The following GABRG2 variants were observed in gnomAD, a reference collection of about 807,000 sequenced individuals.
The protein encoded by GABRG2 is gamma-aminobutyric acid type A receptor subunit gamma2.
In GABRG2, 16 loss-of-function variants were observed where a neutral mutation model predicts 56.4. That is an observed-to-expected ratio of 0.28 (90% CI 0.19 to 0.43). The LOEUF (loss-of-function observed/expected upper bound fraction) is 0.43. GABRG2 is among the 20% of genes least tolerant of loss of function. GABRG2 has a pLI of 1.00. For missense variants in GABRG2, 327 were observed against 582.7 expected (o/e 0.56, Z 4.52); for synonymous variants, 208 against 205.5 (o/e 1.01, Z -0.10).
chr5:162,092,542 A>G (rs1244451142), intron 1 of GABRG2, among the ~76,000 whole-genome samples: 1 of 152,174 alleles, frequency 6.6e-6, no homozygotes, highest in Non-Finnish European at 1.5e-5. Flanking sequence ...TATATATATG[A>G]TGTACATAAA....
intron 1 of GABRG2, among the ~76,000 whole-genome samples, chr5:162,070,153 C>T (rs1215379096): frequency 2.0e-5 from 3 of 152,066 alleles, no homozygotes; most frequent in African/African-American, 7.2e-5. Context: ...TTTGATGATA[C>T]ATTTTAATTT....
intron 1 of GABRG2, 31 bp downstream of exon 1, chr5:162,068,137 T>G: frequency 6.5e-6 from 10 of 1,528,986 alleles, no homozygotes; most frequent in Non-Finnish European, 9.1e-6. Context: ...CGTCGTTTTG[T>G]TCTGAAGAGG....
intron 7 of GABRG2, among the ~76,000 whole-genome samples, chr5:162,145,109 C>T (rs142420608): frequency 1.3e-5 from 2 of 152,162 alleles, no homozygotes; most frequent in Non-Finnish European, 2.9e-5. Context: ...AGACCTTAAG[C>T]TTCTTGCCAC....
chr5:162,102,291 A>T lies in GABRG2; in HGVS notation c.631+974A>T, dbSNP rs1761482384. The T allele has an allele frequency of 2.5e-5, 6 of 242,318 alleles. No individual in the cohort carries two copies. The South Asian group carries it at 2.8e-4, about 11-fold the overall frequency. The allele number at this position is 242,318 out of a possible 1,614,324, so 15.0% of individuals were successfully genotyped here. ...TGAAATATATTTAATTATAAAGTTA[A>T]AGCTTCCCTGTGCTTTAGAGAGATA... On this transcript the variant is annotated intron_variant, in intron 5 of 9. Coordinates refer to ENST00000639213, the MANE Select transcript of GABRG2 (RefSeq NM_198904.4).
At chr5:162,131,987 A>G (rs1763787627) in intron 6 of GABRG2, among the ~76,000 whole-genome samples, 1 of 151,726 alleles carries the variant, frequency 6.6e-6, no homozygotes, top group Non-Finnish European at 1.5e-5. Context: ...CAGAGTTCCT[A>G]GTAGAGCCTT....
At chr5:162,140,860 T>G (rs1191404517) in intron 6 of GABRG2, among the ~76,000 whole-genome samples, 1 of 152,204 alleles carries the variant, frequency 6.6e-6, no homozygotes, top group African/African-American at 2.4e-5. Context: ...TGATTCAAAA[T>G]GAATGACGTG....
intron 1 of GABRG2, among the ~76,000 whole-genome samples, chr5:162,078,391 AT>A (rs1759346262): frequency 2.9e-5 from 1 of 34,464 alleles, no homozygotes; most frequent in Non-Finnish European, 5.3e-5. Context: ...ATATATATAT[AT>A]ATATATTTTT....
intron 6 of GABRG2, among the ~76,000 whole-genome samples, chr5:162,108,300 A>G (rs1431460414): frequency 6.6e-6 from 1 of 152,178 alleles, no homozygotes; most frequent in Non-Finnish European, 1.5e-5. Context: ...TCAATTGAGC[A>G]CAAGCTATTG....
At chr5:162,147,446 C>T (rs937848423) in intron 7 of GABRG2, among the ~76,000 whole-genome samples, 1 of 151,954 alleles carries the variant, frequency 6.6e-6, no homozygotes, top group Non-Finnish European at 1.5e-5. Flanking sequence ...CTCATTGCAA[C>T]CCCCGCCTCC....
chr5:162,127,595 G>A (rs1168118546), intron 6 of GABRG2, among the ~76,000 whole-genome samples: 1 of 151,760 alleles, frequency 6.6e-6, no homozygotes, highest in African/African-American at 2.4e-5. Context: ...TGAATTTGAG[G>A]GCTCTGGATA....
At position 162,097,865 on chromosome 5, in the gene GABRG2, T is replaced by C; in HGVS notation, c.548+7T>C. On this transcript the variant is annotated splice_region_variant and intron_variant, in intron 4 of 9. Coordinates refer to ENST00000639213, the MANE Select transcript of GABRG2 (RefSeq NM_198904.4). The stretch of plus-strand genomic sequence containing the variant: ...GAGTGCTCTACACCCTAAGGTATTC[T>C]TTTGCAAAAGGAAAGGAGTAATTGT... The C allele has an allele frequency of 1.9e-6, 3 of 1,609,778 alleles. No individual in the cohort carries two copies. The highest frequency in any genetic ancestry group is 2.6e-6 in the Non-Finnish European group (3 of 1,176,356).
intron 1 of GABRG2, among the ~76,000 whole-genome samples, chr5:162,073,375 T>C (rs976907824): frequency 3.3e-5 from 5 of 151,946 alleles, no homozygotes; most frequent in Non-Finnish European, 5.9e-5. Context: ...AAGTAAAGCA[T>C]AGTTTAATCT....
chr5:162,070,295 G>C (rs1427237812), intron 1 of GABRG2, among the ~76,000 whole-genome samples: 1 of 152,030 alleles, frequency 6.6e-6, no homozygotes, highest in Non-Finnish European at 1.5e-5. Context: ...AGTCATTGCT[G>C]TTTGGTGCAG....
chr5:162,070,673 A>G (rs555373452), intron 1 of GABRG2, among the ~76,000 whole-genome samples: 46 of 152,196 alleles, frequency 3.0e-4, no homozygotes, highest in African/African-American at 9.6e-4. Context: ...GAGAATATTA[A>G]TAACTAATAT....
chr5:162,113,066 A>G (rs1459420653), intron 6 of GABRG2, among the ~76,000 whole-genome samples: 1 of 151,872 alleles, frequency 6.6e-6, no homozygotes, highest in Non-Finnish European at 1.5e-5. Flanking sequence ...CAGCCTCCCA[A>G]GTAGCTGGGA....
chr5:162,109,387 A>AT (rs1268952377), intron 6 of GABRG2, among the ~76,000 whole-genome samples: 2,621 of 53,308 alleles, frequency 0.049, 168 homozygotes, highest in African/African-American at 0.19. Flanking sequence ...AACTTAAAGT[A>AT]TAATATATAT....
At chr5:162,111,038 CT>C in intron 6 of GABRG2, among the ~76,000 whole-genome samples, 1 of 152,138 alleles carries the variant, frequency 6.6e-6, no homozygotes, top group South Asian at 2.1e-4. Flanking sequence ...AGTCCTCGTC[CT>C]CAGTATTTAT....
chr5:162,153,300 C>T lies in GABRG2; in HGVS notation c.1360C>T (p.Arg454Trp), dbSNP rs796052515. 1 of 1,614,006 alleles carries T rather than the reference C, an allele frequency of 6.2e-7. No homozygotes were observed. Among genetic ancestry groups the T allele is most frequent in the Non-Finnish European group, 8.5e-7 (1 of 1,179,966 alleles). ...IRIAKMDSYA[R>W]IFFPTAFCLF... ...CATTGCCAAAATGGACTCCTATGCT[C>T]GGATCTTCTTCCCCACTGCCTTCTG... The change falls in exon 10 of 10, where the codon CGG (arginine) becomes TGG (tryptophan). Residue 454 changes from arginine to tryptophan, a missense_variant. Physicochemically the swap from Arg to Trp is moderately radical, Grantham distance 101 (BLOSUM62 -3). This residue lies in a region of GABRG2 where 108 missense variants were observed against 144.2 expected (regional missense o/e 0.75). Coordinates refer to ENST00000639213, the MANE Select transcript of GABRG2 (RefSeq NM_198904.4).
chr5:162,144,665 A>G (rs763381439), intron 7 of GABRG2, among the ~76,000 whole-genome samples: 23 of 152,306 alleles, frequency 1.5e-4, no homozygotes, highest in African/African-American at 4.3e-4. Context: ...AGGTTAGATG[A>G]CATCCACAAA....
Sources: allele counts gnomAD v4.1 joint callset (sites outside exome capture counted in the v4.1 genomes callset), GRCh38; gene constraint gnomAD v4.1.1; regional missense constraint gnomAD v4.1.1; transcripts MANE v1.5; gene names NCBI Gene and HGNC (gene_info 2026-07-23, HGNC 2026-07-21).